The following NBEA variants were observed in gnomAD, a reference collection of about 807,000 sequenced individuals.
The protein encoded by NBEA is neurobeachin.
In NBEA, 44 loss-of-function variants were observed where a neutral mutation model predicts 343.4. The observed-to-expected ratio is 0.13, with a 90% CI of 0.10 to 0.16. NBEA has a LOEUF of 0.16. Ranked by LOEUF, NBEA falls within the 10% of genes least tolerant of loss-of-function variation. The pLI is 1.00. For missense variants in NBEA, 2,555 were observed against 3,631.3 expected (o/e 0.70, Z 7.62); for synonymous variants, 1,175 against 1,238.7 (o/e 0.95, Z 1.08).
intron 8 of NBEA, among the ~76,000 whole-genome samples, chr13:35,068,872 G>A (rs1232511610): frequency 6.6e-6 from 1 of 152,134 alleles, no homozygotes; most frequent in Non-Finnish European, 1.5e-5. Context: ...AGGAGTGGGG[G>A]CCACTTTTAG....
chr13:35,161,281 T>C (rs117108730), intron 22 of NBEA, among the ~76,000 whole-genome samples: 2,034 of 152,302 alleles, frequency 0.013, 17 homozygotes, highest in Middle Eastern at 0.031. Flanking sequence ...GCATTTGTGT[T>C]TTTGAATTGA....
chr13:35,150,686 C>T (rs944480118), intron 18 of NBEA, among the ~76,000 whole-genome samples: 4 of 151,856 alleles, frequency 2.6e-5, no homozygotes, highest in Non-Finnish European at 4.4e-5. Flanking sequence ...GGGAAATCAC[C>T]TTAATCTCAG....
chr13:35,102,059 G>A, intron 11 of NBEA, among the ~76,000 whole-genome samples: 1 of 151,160 alleles, frequency 6.6e-6, no homozygotes, highest in East Asian at 1.9e-4. Flanking sequence ...ATTGAATTTT[G>A]TATATGGTAT....
chr13:35,533,911 A>G (rs1220289817), intron 41 of NBEA, among the ~76,000 whole-genome samples: 2 of 152,204 alleles, frequency 1.3e-5, no homozygotes, highest in Non-Finnish European at 2.9e-5. Flanking sequence ...AATAACCTCT[A>G]TATATGGAGA....
chr13:35,579,357 C>G (rs998555227), intron 45 of NBEA, among the ~76,000 whole-genome samples: 7 of 151,894 alleles, frequency 4.6e-5, no homozygotes, highest in Non-Finnish European at 7.4e-5. Context: ...CATATAATAC[C>G]ATTTATCCAA....
intron 41 of NBEA, among the ~76,000 whole-genome samples, chr13:35,509,426 G>A (rs1389670185): frequency 6.6e-6 from 1 of 152,108 alleles, no homozygotes; most frequent in Non-Finnish European, 1.5e-5. Flanking sequence ...GAAACTAGCA[G>A]TATATGTAAG....
intron 28 of NBEA, among the ~76,000 whole-genome samples, chr13:35,178,951 G>A (rs900149916): frequency 1.3e-5 from 2 of 151,454 alleles, no homozygotes; most frequent in Non-Finnish European, 3.0e-5. Context: ...ATCTCCAAAG[G>A]CACAGTCAGA....
intron 18 of NBEA, 111 bp from the exon 19 acceptor site, chr13:35,155,662 CT>C: frequency 2.6e-6 from 2 of 758,922 alleles, no homozygotes; most frequent in Non-Finnish European, 2.1e-6. Context: ...AGAGATGTTT[CT>C]TTTGGTTTGG....
chr13:34,976,647 G>GTTTTTTTTTTTTTTT (rs1279170590), intron 1 of NBEA, among the ~76,000 whole-genome samples: 1 of 141,838 alleles, frequency 7.1e-6, no homozygotes, highest in African/African-American at 2.6e-5. Flanking sequence ...TTTTTTCTTT[G>GTTTTTTTTTTTTTTT]TTTTTTGTTT....
chr13:34,989,037 C>A (rs2060657639), intron 1 of NBEA, among the ~76,000 whole-genome samples: 1 of 150,456 alleles, frequency 6.6e-6, no homozygotes, highest in Non-Finnish European at 1.5e-5. Flanking sequence ...TCCTTTTCTG[C>A]CTTCTTTGGA....
intron 41 of NBEA, among the ~76,000 whole-genome samples, chr13:35,482,958 A>G (rs1160250502): frequency 3.3e-5 from 5 of 151,880 alleles, no homozygotes; most frequent in Admixed American, 3.3e-4. Context: ...TTAGTTTTAT[A>G]TCAAAAGATC....
At chr13:35,255,035 A>C (rs1290680269) in intron 34 of NBEA, among the ~76,000 whole-genome samples, 1 of 152,220 alleles carries the variant, frequency 6.6e-6, no homozygotes, top group Non-Finnish European at 1.5e-5. Context: ...GAAAACTAAA[A>C]AATAAAATGC....
intron 21 of NBEA, among the ~76,000 whole-genome samples, chr13:35,158,645 AC>A (rs1200046011): frequency 6.6e-6 from 1 of 152,116 alleles, no homozygotes; most frequent in Non-Finnish European, 1.5e-5. Context: ...TAGTAATAGT[AC>A]TTTGGTTATT....
At chr13:35,623,575 T>C (rs1212902573) in intron 48 of NBEA, among the ~76,000 whole-genome samples, 1 of 152,112 alleles carries the variant, frequency 6.6e-6, no homozygotes, top group Non-Finnish European at 1.5e-5. Context: ...ATTAATTATT[T>C]ATTGATTCAC....
chr13:35,577,766 C>A (rs183100255), intron 45 of NBEA, among the ~76,000 whole-genome samples: 1 of 152,086 alleles, frequency 6.6e-6, no homozygotes, highest in Non-Finnish European at 1.5e-5. Context: ...CAGGGAGTTT[C>A]TTCGAAGGGC....
intron 41 of NBEA, among the ~76,000 whole-genome samples, chr13:35,509,762 A>G (rs1374234308): frequency 6.6e-6 from 1 of 152,170 alleles, no homozygotes; most frequent in African/African-American, 2.4e-5. Flanking sequence ...AAGCGTTTCA[A>G]GAAGGATGGA....
chr13:35,022,146 C>T (rs1168779760), intron 1 of NBEA, among the ~76,000 whole-genome samples: 7 of 151,944 alleles, frequency 4.6e-5, no homozygotes, highest in Non-Finnish European at 1.0e-4. Context: ...TCATTTTTAA[C>T]TCATTTTACT....
At chr13:34,983,458 A>G (rs1382320504) in intron 1 of NBEA, among the ~76,000 whole-genome samples, 1 of 152,192 alleles carries the variant, frequency 6.6e-6, no homozygotes, top group African/African-American at 2.4e-5. Context: ...AGTCTTTGCT[A>G]TTGTGAATAG....
intron 1 of NBEA, among the ~76,000 whole-genome samples, chr13:34,985,983 C>A (rs1461230631): frequency 3.3e-5 from 5 of 150,574 alleles, no homozygotes; most frequent in African/African-American, 9.7e-5. Context: ...TTTAAAAAAA[C>A]CAGCTCCTGG....
Sources: gnomAD v4.1 joint callset for allele counts (sites outside exome capture counted in the v4.1 genomes callset) on GRCh38, gnomAD v4.1.1 for gene constraint, MANE v1.5 for transcripts, NCBI Gene and HGNC (gene_info 2026-07-23, HGNC 2026-07-21) for gene names.